Variants in FBXO6 observed in about 807,000 individuals in gnomAD.
FBXO6 encodes the protein F-box protein 6, also known as F-box only protein 6.
In FBXO6, 13 loss-of-function variants were observed where a neutral mutation model predicts 25.0. The ratio of observed to expected loss-of-function variants is 0.52; its 90% CI spans 0.34 to 0.83. FBXO6 has a LOEUF of 0.83. Ranked by LOEUF, FBXO6 falls within the 40% of genes least tolerant of loss-of-function variation. FBXO6 has a pLI of 0.02. For missense variants in FBXO6, 370 were observed against 380.2 expected (o/e 0.97, Z 0.22); for synonymous variants, 138 against 155.3 (o/e 0.89, Z 0.83).
At chr1:11,667,890 A>G (rs1332507888) in intron 1 of FBXO6, among the ~76,000 whole-genome samples, 1 of 152,144 alleles carries the variant, frequency 6.6e-6, no homozygotes, top group Non-Finnish European at 1.5e-5. Context: ...CAGGAGATTG[A>G]GACCATCCTG....
intron 1 of FBXO6, among the ~76,000 whole-genome samples, chr1:11,665,785 T>C (rs1379802299): frequency 6.6e-6 from 1 of 151,790 alleles, no homozygotes; most frequent in Non-Finnish European, 1.5e-5. Context: ...GGTCTCGAAC[T>C]CCTGATCTTG....
chr1:11,672,137 C>A, intron 4 of FBXO6, 114 bp downstream of exon 4: 1 of 942,850 alleles, frequency 1.1e-6, no homozygotes, highest in Non-Finnish European at 1.6e-6. Flanking sequence ...TGCCCTGGAG[C>A]CAGGTAGCCC....
intron 1 of FBXO6, among the ~76,000 whole-genome samples, chr1:11,665,554 C>CTTTTTTT (rs70983579): frequency 0.037 from 1,392 of 37,856 alleles, 395 homozygotes; most frequent in African/African-American, 0.06. Context: ...CGCGCCCGGC[C>CTTTTTTT]TTTTTTTTTT....
chr1:11,667,864 G>A (rs11121794), intron 1 of FBXO6, among the ~76,000 whole-genome samples: 6,148 of 152,206 alleles, frequency 0.04, 415 homozygotes, highest in African/African-American at 0.14. Context: ...AGGCCGAGGT[G>A]GGCGGATCAT....
chr1:11,671,818 T>G, intron 3 of FBXO6, 110 bp from the exon 4 acceptor site: 1 of 957,060 alleles, frequency 1.0e-6, no homozygotes, highest in South Asian at 1.4e-5. Context: ...AGGGGTACCC[T>G]AGGTCCCCAA....
chr1:11,668,529 TG>T, intron 1 of FBXO6, 126 bp from the exon 2 acceptor site: 1 of 1,203,664 alleles, frequency 8.3e-7, no homozygotes, highest in Non-Finnish European at 1.1e-6. Context: ...CCCAAGTACC[TG>T]GGACTCCAGG....
In FBXO6 at chr1:11,669,466, CA is replaced by C. The variant is rs745895557; in HGVS notation, c.286+538del. On this transcript the variant is annotated intron_variant, in intron 2 of 5. Transcript: ENST00000376753. ...GTGACAAGAGTGAAACTTTTAGTCT[CA>C]AAAAAAAAAAAAAAATTTTTTTTTC... 5.5e-3 allele frequency among the ~76,000 whole-genome samples: 661 copies of C among 120,472 alleles called. 4 individuals carry two copies. Among genetic ancestry groups the C allele is most frequent in the African/African-American group, 0.012 (389 of 33,182 alleles). The allele number at this position is 120,472 out of a possible 152,430, so 79.0% of individuals were successfully genotyped here.
intron 2 of FBXO6, among the ~76,000 whole-genome samples, chr1:11,669,951 G>A (rs1425649419): frequency 6.4e-5 from 9 of 139,592 alleles, no homozygotes; most frequent in Non-Finnish European, 9.4e-5. Flanking sequence ...GGTGGCTCAC[G>A]CCTGTAATCC....
At position 11,673,905 on chromosome 1, in the gene FBXO6, A is replaced by G. The variant is rs1359169313; in HGVS notation, c.*54A>G. On this transcript the variant is annotated 3_prime_UTR_variant, in exon 6 of 6. Coordinates refer to ENST00000376753, the MANE Select transcript of FBXO6 (RefSeq NM_018438.6). This position sits in a 1 kb window ranked among gnomAD's most constrained non-coding sequence, Gnocchi z 4.3. ...CAGAGGTTCCTCCAGGCAGGAGCTG[A>G]GCATGGGGTGGGCAGTGAGGTCCCT... The G allele has an allele frequency of 6.5e-7, 1 of 1,547,422 alleles. No individual in the cohort carries two copies. Among genetic ancestry groups the G allele is most frequent in the Admixed American group, 1.7e-5 (1 of 59,672 alleles).
Position 11,665,698 on chromosome 1 carries a change from C to T in FBXO6, c.-4+1443C>T, listed in dbSNP as rs1225348479. Among the ~76,000 whole-genome samples, 140 of 151,274 alleles carry T rather than the reference C, an allele frequency of 9.3e-4. 1 individual carries two copies. The highest frequency in any genetic ancestry group is 1.6e-3 in the Non-Finnish European group (111 of 67,926). ...GCCTCACCCTCCCGAGTAGCTGGGA[C>T]TACAGGCGTCCGCCACCACGCCCAG... On this transcript the variant is annotated intron_variant, in intron 1 of 5. Coordinates refer to ENST00000376753, the MANE Select transcript of FBXO6 (RefSeq NM_018438.6).
At position 11,673,852 on chromosome 1, in the gene FBXO6, C is replaced by A. The variant is rs143630867; in HGVS notation, c.*1C>A. 1 of 1,613,866 alleles carries A rather than the reference C, an allele frequency of 6.2e-7. No homozygotes were observed. The highest frequency in any genetic ancestry group is 1.3e-5 in the African/African-American group (1 of 75,042). ...CCGAGCTGTTGTCCAGATTTTCTGA[C>A]AGCTGTCCATCCTGTGTCTGGGTCA... On this transcript the variant is annotated 3_prime_UTR_variant, in exon 6 of 6. Transcript: ENST00000376753. This position sits in a 1 kb window ranked among gnomAD's most constrained non-coding sequence, Gnocchi z 4.3.
chr1:11,672,100 A>C (rs960496920), intron 4 of FBXO6, 77 bp downstream of exon 4: 9 of 1,319,142 alleles, frequency 6.8e-6, no homozygotes, highest in Non-Finnish European at 9.7e-6. Context: ...GAGACAACCC[A>C]TAGCAAGTGC....
chr1:11,670,101 T>C (rs1359015140), intron 2 of FBXO6, among the ~76,000 whole-genome samples: 1 of 150,958 alleles, frequency 6.6e-6, no homozygotes, highest in African/African-American at 2.4e-5. Flanking sequence ...TAGTCCCAGC[T>C]ACTTGGGAGG....
rs1640330564 is a variant in FBXO6, at chr1:11,664,219, C to G, written c.-40C>G. 6.6e-6 allele frequency: 1 copy of G among 152,242 alleles called. No homozygotes were observed. Among genetic ancestry groups the G allele is most frequent in the Non-Finnish European group, 1.5e-5 (1 of 68,164 alleles). The allele number at this position is 152,242 out of a possible 1,614,324, so 9.4% of individuals were successfully genotyped here. A position where few individuals can be genotyped will look rare whatever the true frequency, so the allele number is the denominator to read the frequency against. The stretch of plus-strand genomic sequence containing the variant: ...GAGGGGGAGACAGCTTCAGGACACG[C>G]AGGCCGCAGCGAGGGCCCGGGCCCT... On this transcript the variant is annotated 5_prime_UTR_variant, in exon 1 of 6. Transcript: ENST00000376753.
At chr1:11,671,838 C>T in intron 3 of FBXO6, 90 bp from the exon 4 acceptor site, 1 of 1,206,974 alleles carries the variant, frequency 8.3e-7, no homozygotes, top group Non-Finnish European at 1.2e-6. Flanking sequence ...AACCACCTCC[C>T]TGGGCTCACA....
chr1:11,667,508 G>A (rs1640475306), intron 1 of FBXO6, among the ~76,000 whole-genome samples: 1 of 152,186 alleles, frequency 6.6e-6, no homozygotes, highest in African/African-American at 2.4e-5. Flanking sequence ...CCAGGGTCGG[G>A]ACAGTTACCC....
rs369231334 is a variant in FBXO6 at position 11,668,986 on chromosome 1, C to T, written c.286+42C>T. ...GTGGAGGCTGCCACCAGGCTCGTTC[C>T]TTCTCATCCTTGGGCCTTGGCACTT... is the stretch of plus-strand genomic sequence containing the variant. On this transcript the variant is annotated intron_variant, in intron 2 of 5. Transcript: ENST00000376753. 50 of 1,601,512 alleles carry T rather than the reference C, an allele frequency of 3.1e-5. No homozygotes were observed. The African/African-American group carries it at 5.8e-4, about 18-fold the overall frequency.
chr1:11,671,176 A>T (rs1640605666), intron 2 of FBXO6, 90 bp from the exon 3 acceptor site: 11 of 1,538,866 alleles, frequency 7.1e-6, no homozygotes, highest in Non-Finnish European at 8.0e-6. Context: ...AACGCCAACC[A>T]CCCTCCCTCC....
In FBXO6 at chr1:11,671,332, G is replaced by A; in HGVS notation, c.353G>A (p.Gly118Glu). 6.2e-7 allele frequency: 1 copy of A among 1,614,138 alleles called. No homozygotes were observed. Among genetic ancestry groups the A allele is most frequent in the Non-Finnish European group, 8.5e-7 (1 of 1,180,016 alleles). Residue 118 changes from glycine (G) to glutamate (E), a missense_variant, in exon 3 of 6, where the codon GGA (glycine) becomes GAA (glutamate). Physicochemically the swap from Gly to Glu is moderately conservative, Grantham distance 98. Coordinates refer to ENST00000376753, the MANE Select transcript of FBXO6 (RefSeq NM_018438.6). ...GDRWKVESLP[G>E]AHGTDFPDPK... ...CGCTGGAAGGTGGAGAGCCTCCCTG[G>A]AGCCCACGGGACAGATTTTCCTGAC...
Sources: allele counts gnomAD v4.1 joint callset (sites outside exome capture counted in the v4.1 genomes callset), GRCh38; gene constraint gnomAD v4.1.1; non-coding constraint Gnocchi (gnomAD v3.1); transcripts MANE v1.5; gene names NCBI Gene and HGNC (gene_info 2026-07-23, HGNC 2026-07-21).